Variants in ZSCAN25 observed in about 807,000 individuals in gnomAD.
The protein encoded by ZSCAN25 is zinc finger and SCAN domain containing 25.
In ZSCAN25, 27 loss-of-function variants were observed where a neutral mutation model predicts 38.7. That is an observed-to-expected ratio of 0.70 (90% CI 0.51 to 0.96). The LOEUF (loss-of-function observed/expected upper bound fraction) is 0.96. Among genes scored for constraint, ZSCAN25 ranks in the 40% least tolerant of loss-of-function variants. The pLI is 0.00. For missense variants in ZSCAN25, 637 were observed against 705.9 expected (o/e 0.90, Z 1.11); for synonymous variants, 273 against 277.7 (o/e 0.98, Z 0.17).
the ZSCAN25 span, chr7:99,720,393 G>C: frequency 6.2e-7 from 1 of 1,613,694 alleles, no homozygotes; most frequent in Non-Finnish European, 8.5e-7. Context: ...GCCAGCATAG[G>C]CTGTTGACAG....
chr7:99,664,136 A>G, the ZSCAN25 span: 1 of 1,487,244 alleles, frequency 6.7e-7, no homozygotes, highest in Non-Finnish European at 9.1e-7. Flanking sequence ...ATCATTGAAA[A>G]TGCAAACTTT....
chr7:99,666,848 G>A, the ZSCAN25 span: 11 of 1,579,686 alleles, frequency 7.0e-6, no homozygotes, highest in Non-Finnish European at 9.5e-6. Flanking sequence ...TAGGAAGCTC[G>A]AACTCAGTGG....
At chr7:99,622,384 G>C in intron 5 of ZSCAN25, 165 bp from the exon 6 acceptor site, 1 of 702,022 alleles carries the variant, frequency 1.4e-6, no homozygotes, top group South Asian at 1.5e-5. Context: ...GGACACCCAG[G>C]CCCCTGTGCA....
At chr7:99,636,869 A>G (rs1384102212), downstream of ZSCAN25, among the ~76,000 whole-genome samples, 2 of 152,240 alleles carry the variant, frequency 1.3e-5, no homozygotes, top group Non-Finnish European at 2.9e-5. Context: ...GTTTACATTC[A>G]TTGTAATCTG....
chr7:99,651,758 G>A, the ZSCAN25 span, among the ~76,000 whole-genome samples: 53 of 152,322 alleles, frequency 3.5e-4, no homozygotes, highest in African/African-American at 1.2e-3. Context: ...TCCAGAGTGC[G>A]AACTGTGCCT....
At chr7:99,634,602 A>T (rs1808194052), downstream of ZSCAN25, among the ~76,000 whole-genome samples, 1 of 152,222 alleles carries the variant, frequency 6.6e-6, no homozygotes, top group Admixed American at 6.5e-5. Flanking sequence ...ATCCTGGTTA[A>T]CACAGTGAAA....
chr7:99,675,824 G>A, the ZSCAN25 span, among the ~76,000 whole-genome samples: 1 of 148,544 alleles, frequency 6.7e-6, no homozygotes, highest in Non-Finnish European at 1.5e-5. Flanking sequence ...ATTCAGAGTA[G>A]CTGGGACTAC....
the ZSCAN25 span, chr7:99,663,666 G>A: frequency 2.0e-6 from 2 of 1,022,958 alleles, no homozygotes; most frequent in Non-Finnish European, 2.3e-6. Flanking sequence ...TTTCAAACAG[G>A]AAACTTTATC....
the ZSCAN25 span, among the ~76,000 whole-genome samples, chr7:99,713,896 A>C: frequency 6.6e-6 from 1 of 152,322 alleles, no homozygotes; most frequent in East Asian, 1.9e-4. Context: ...TGGTGGGAGC[A>C]CTTTCAAATA....
chr7:99,631,607 CT>C lies in ZSCAN25; in HGVS notation c.*1591del. The C allele has an allele frequency of 5.1e-6, 5 of 985,056 alleles. No homozygotes were observed. The highest frequency in any genetic ancestry group is 6.0e-6 in the Non-Finnish European group (5 of 829,850). 61.0% of individuals were successfully genotyped at this position (985,056 alleles called of 1,614,324 possible). Reference sequence around the variant, plus strand: ...TTCTGATGCCTCTTAATACCAGATTCTTTTACTGAGATTTTTTTTTTTCATT... The same window carrying C: ...TTCTGATGCCTCTTAATACCAGATTCTTTACTGAGATTTTTTTTTTTCATT... On this transcript the variant is annotated 3_prime_UTR_variant, in exon 8 of 8. Transcript: ENST00000394152.
the ZSCAN25 span, among the ~76,000 whole-genome samples, chr7:99,640,772 A>G: frequency 2.0e-5 from 3 of 152,228 alleles, no homozygotes; most frequent in Admixed American, 6.5e-5. Context: ...AAAATTGGCT[A>G]TGAAGCCGGG....
At chr7:99,696,942 T>A in the ZSCAN25 span, among the ~76,000 whole-genome samples, 1 of 152,204 alleles carries the variant, frequency 6.6e-6, no homozygotes, top group Non-Finnish European at 1.5e-5. Flanking sequence ...TCCAGCCATG[T>A]AATATCTGCC....
intron 7 of ZSCAN25, among the ~76,000 whole-genome samples, chr7:99,627,784 G>A (rs1807617573): frequency 6.6e-6 from 1 of 151,282 alleles, no homozygotes; most frequent in South Asian, 2.1e-4. Flanking sequence ...CGTATATGCT[G>A]TATATGTATA....
chr7:99,720,274 A>G, the ZSCAN25 span: 3 of 1,608,706 alleles, frequency 1.9e-6, no homozygotes, highest in African/African-American at 1.3e-5. Context: ...AAATTTAATC[A>G]ATCAATGAGT....
the ZSCAN25 span, among the ~76,000 whole-genome samples, chr7:99,708,700 A>G: frequency 1.3e-5 from 2 of 152,166 alleles, no homozygotes; most frequent in East Asian, 1.9e-4. Context: ...AGATTTGAGT[A>G]TATTCAGGAA....
chr7:99,626,993 T>C (rs918766159), intron 7 of ZSCAN25, among the ~76,000 whole-genome samples: 1 of 152,188 alleles, frequency 6.6e-6, no homozygotes, highest in African/African-American at 2.4e-5. Flanking sequence ...TATTTATTTT[T>C]CCCCCAGCTT....
chr7:99,724,003 C>T, the ZSCAN25 span, among the ~76,000 whole-genome samples: 12 of 152,140 alleles, frequency 7.9e-5, no homozygotes, highest in Non-Finnish European at 1.6e-4. Context: ...GTACCACCTC[C>T]CCTGGGTCAC....
At chr7:99,632,637 A>T (rs542391544), downstream of ZSCAN25, among the ~76,000 whole-genome samples, 3 of 152,256 alleles carry the variant, frequency 2.0e-5, no homozygotes, top group African/African-American at 7.2e-5. Context: ...TCTACAAACA[A>T]ATATTAACTG....
intron 6 of ZSCAN25, among the ~76,000 whole-genome samples, chr7:99,623,402 G>A (rs550253088): frequency 7.9e-5 from 12 of 152,332 alleles, no homozygotes; most frequent in African/African-American, 2.4e-4. Context: ...CATAGATGGG[G>A]TGCTCTCTTT....
Sources: gnomAD v4.1 joint callset for allele counts (sites outside exome capture counted in the v4.1 genomes callset) on GRCh38, gnomAD v4.1.1 for gene constraint, MANE v1.5 for transcripts, NCBI Gene and HGNC (gene_info 2026-07-23, HGNC 2026-07-21) for gene names.